CISH: variants seen among roughly 807,000 people sequenced by gnomAD.
CISH encodes the protein cytokine-inducible SH2-containing protein.
CISH carries 11 observed loss-of-function variants against 21.3 expected under a neutral mutation model. The ratio of observed to expected loss-of-function variants is 0.52; its 90% CI spans 0.32 to 0.85. The LOEUF (loss-of-function observed/expected upper bound fraction) is 0.85, where lower values mean the gene tolerates loss of function less well. Among genes scored for constraint, CISH ranks in the 40% least tolerant of loss-of-function variants. The probability of loss-of-function intolerance (pLI) is 0.03; values close to 1 mark genes in which losing one functional copy is unlikely to be tolerated. For synonymous variants in CISH, 118 were observed against 142.3 expected (o/e 0.83, Z 1.22); for missense variants, 280 against 351.7 (o/e 0.80, Z 1.63).
chr3:50,608,254 G>A, intron 2 of CISH, 112 bp from the exon 3 acceptor site: 1 of 1,455,728 alleles, frequency 6.9e-7, no homozygotes, highest in East Asian at 2.3e-5. Context: ...AGAGGGCTGT[G>A]CCTCTCCCAT....
intron 1 of CISH, chr3:50,609,847 G>A (rs531344880): frequency 6.5e-6 from 1 of 154,434 alleles, no homozygotes; most frequent in South Asian, 1.9e-4. Flanking sequence ...CCTGAGCTGT[G>A]TCTTCCAGGC....
intron 1 of CISH, chr3:50,610,674 A>G: frequency 7.2e-7 from 1 of 1,397,292 alleles, no homozygotes; most frequent in African/African-American, 1.4e-5. Context: ...AGGGAGAAGT[A>G]GTCTTCCCAG....
intron 1 of CISH, chr3:50,610,258 T>G (rs1331202318): frequency 4.0e-6 from 5 of 1,235,336 alleles, no homozygotes; most frequent in East Asian, 2.6e-5. Flanking sequence ...CACGTCCAGA[T>G]AGCTTAGCCG....
At chr3:50,610,582 C>G in intron 1 of CISH, 1 of 1,490,740 alleles carries the variant, frequency 6.7e-7, no homozygotes, top group Non-Finnish European at 9.0e-7. Flanking sequence ...GGGGGAGGCT[C>G]CTGGGGTGGA....
chr3:50,607,952 G>A lies in CISH; in HGVS notation c.432C>T (p.Cys144=), dbSNP rs780025656. Residue 144 remains cysteine, a synonymous_variant, in exon 3 of 3, where the codon TGC becomes TGT. Coordinates refer to ENST00000348721, the MANE Select transcript of CISH (RefSeq NM_145071.4). ...ADSSFRLDSN[C]LSRPRILAFP... ...AGGCCAGGATGCGTGGCCTGGACAA[G>A]CAGTTGGAGTCCAGACGGAAGCTGG... 1.2e-6 allele frequency: 2 copies of A among 1,614,006 alleles called. No individual in the cohort carries two copies. The highest frequency in any genetic ancestry group is 1.7e-6 in the Non-Finnish European group (2 of 1,180,018).
Position 50,611,717 on chromosome 3 carries a change from T to C in CISH, c.-67A>G. On this transcript the variant is annotated 5_prime_UTR_variant, in exon 1 of 3. Transcript: ENST00000348721. The stretch of plus-strand genomic sequence containing the variant: ...GACGGCGGCGGCTGGAGGGAACCAG[T>C]GGGCGCGGAGCGCGTGCTGGGTAGG... 1 of 1,430,494 alleles carries C rather than the reference T, an allele frequency of 7.0e-7. No individual in the cohort carries two copies. The highest frequency in any genetic ancestry group is 9.1e-7 in the Non-Finnish European group (1 of 1,093,330). The allele number at this position is 1,430,494 out of a possible 1,614,324, so 88.6% of individuals were successfully genotyped here. A position where few individuals can be genotyped will look rare whatever the true frequency, so the allele number is the denominator to read the frequency against.
chr3:50,610,464 G>T, intron 1 of CISH: 1 of 1,551,412 alleles, frequency 6.4e-7, no homozygotes, highest in Non-Finnish European at 8.7e-7. Context: ...GCTTTGGAGC[G>T]CAGCAGTCTA....
Position 50,608,457 on chromosome 3 carries a change from G to A in CISH, c.157C>T (p.Gln53Ter). ...LEEVAEGTPA[Q>*]TESEPKVLDP... ...AGCACCTTTGGCTCACTCTCTGTCT[G>A]GGCTGGGGTACCCTCTGCCACCTCC... Residue 53 changes from glutamine (Q) to a stop codon, truncating the protein, a stop_gained, in exon 2 of 3, where the codon CAG becomes TAG. Transcript: ENST00000348721. LOFTEE classifies it high-confidence loss of function. 6.2e-7 allele frequency: 1 copy of A among 1,613,772 alleles called. No homozygotes were observed. The highest frequency in any genetic ancestry group is 8.5e-7 in the Non-Finnish European group (1 of 1,179,876).
At chr3:50,611,014 C>G (rs747695227) in intron 1 of CISH, 26 of 991,588 alleles carry the variant, frequency 2.6e-5, no homozygotes, top group Non-Finnish European at 3.0e-5. Context: ...AGCCAAGGTC[C>G]TTCTCACATT....
At chr3:50,611,086 C>A in intron 1 of CISH, 1 of 990,832 alleles carries the variant, frequency 1.0e-6, no homozygotes. Flanking sequence ...CCAAGCAGGA[C>A]CAGGCCAAAC....
At chr3:50,610,218 G>A in intron 1 of CISH, 1 of 810,152 alleles carries the variant, frequency 1.2e-6, no homozygotes, top group Non-Finnish European at 2.0e-6. Flanking sequence ...TTGGTGGCTA[G>A]CCAGTCAGGC....
intron 1 of CISH, 163 bp from the exon 2 acceptor site, chr3:50,608,756 C>T (rs1324400190): frequency 1.6e-5 from 7 of 444,074 alleles, no homozygotes; most frequent in Admixed American, 8.3e-5. Context: ...TCCAGTATCT[C>T]GTTCCCCACT....
In CISH at chr3:50,608,608, A is replaced by AT; in HGVS notation, c.21-16dup. The AT allele has an allele frequency of 6.8e-7, 1 of 1,469,458 alleles. No homozygotes were observed. The highest frequency in any genetic ancestry group is 9.0e-7 in the Non-Finnish European group (1 of 1,113,052). The allele number at this position is 1,469,458 out of a possible 1,614,324, so 91.0% of individuals were successfully genotyped here. A position where few individuals can be genotyped will look rare whatever the true frequency, so the allele number is the denominator to read the frequency against. ...AAGGACGAGGTCTAGAAGGCAGTGG[A>AT]TGAGCAGTGAGTGGAGGACCCATGC... On this transcript the variant is annotated splice_polypyrimidine_tract_variant and intron_variant, in intron 1 of 2. Coordinates refer to ENST00000348721, the MANE Select transcript of CISH (RefSeq NM_145071.4).
chr3:50,611,551 GC>G, intron 1 of CISH, 79 bp downstream of exon 1: 1 of 1,521,632 alleles, frequency 6.6e-7, no homozygotes, highest in Non-Finnish European at 8.8e-7. Context: ...CCCTCCCAAT[GC>G]CCGGCAGCTA....
chr3:50,610,276 G>T, intron 1 of CISH: 1 of 1,388,184 alleles, frequency 7.2e-7, no homozygotes, highest in Non-Finnish European at 1.0e-6. Context: ...CCGGTCCTCA[G>T]ATCCCACATG....
intron 1 of CISH, 69 bp downstream of exon 1, chr3:50,611,561 TA>T: frequency 6.6e-7 from 1 of 1,523,686 alleles, no homozygotes; most frequent in East Asian, 2.7e-5. Flanking sequence ...GCCCGGCAGC[TA>T]GCACGAAGCC....
rs1395986208 is a variant in CISH at position 50,607,389 on chromosome 3, TA to T, written c.*217del. The T allele has an allele frequency of 8.5e-6, 5 of 587,162 alleles. No individual in the cohort carries two copies. The highest frequency in any genetic ancestry group is 1.2e-5 in the Non-Finnish European group (4 of 328,988). 36.4% of individuals were successfully genotyped at this position (587,162 alleles called of 1,614,324 possible). A position where few individuals can be genotyped will look rare whatever the true frequency, so the allele number is the denominator to read the frequency against. On this transcript the variant is annotated 3_prime_UTR_variant, in exon 3 of 3. Transcript: ENST00000348721. ...CCATCCTCTGACACATGGCTCAGTATAATGAAGCCACATGCGGCCTGGGGGC... is the reference window on the plus strand; with the variant it reads ...CCATCCTCTGACACATGGCTCAGTATATGAAGCCACATGCGGCCTGGGGGC...
intron 2 of CISH, 94 bp downstream of exon 2, chr3:50,608,279 C>A: frequency 6.9e-7 from 1 of 1,454,702 alleles, no homozygotes. Flanking sequence ...CTCTCCTGGG[C>A]CGGGCTATGC....
chr3:50,608,443 C>T lies in CISH; in HGVS notation c.171G>A (p.Glu57=). 1 of 1,613,816 alleles carries T rather than the reference C, an allele frequency of 6.2e-7. No individual in the cohort carries two copies. Among genetic ancestry groups the T allele is most frequent in the Non-Finnish European group, 8.5e-7 (1 of 1,179,870 alleles). ...AEGTPAQTES[E]PKVLDPEEDL... ...CCTCCTCTGGGTCCAGCACCTTTGG[C>T]TCACTCTCTGTCTGGGCTGGGGTAC... Residue 57 remains glutamate (E), a synonymous_variant, in exon 2 of 3, where the codon GAG becomes GAA. Transcript: ENST00000348721.
Sources: gnomAD v4.1 joint callset for allele counts on GRCh38, gnomAD v4.1.1 for gene constraint, MANE v1.5 for transcripts, NCBI Gene and HGNC (gene_info 2026-07-23, HGNC 2026-07-21) for gene names.